The following SLC9A9 variants were observed in gnomAD, a reference collection of about 807,000 sequenced individuals.
SLC9A9 encodes solute carrier family 9 member A9.
A neutral mutation model predicts 77.8 loss-of-function variants in SLC9A9; 62 were observed. The observed-to-expected ratio is 0.80, with a 90% CI of 0.65 to 0.98. The LOEUF (loss-of-function observed/expected upper bound fraction) is 0.98, where lower values mean the gene tolerates loss of function less well. Ranked by LOEUF, SLC9A9 falls within the 50% of genes least tolerant of loss-of-function variation. SLC9A9 has a pLI of 0.00. For synonymous variants in SLC9A9, 320 were observed against 283.5 expected, an observed-to-expected ratio of 1.13 and a Z score of -1.29; for missense variants, 775 against 774.9, an observed-to-expected ratio of 1.00 and a Z score of 0.00.
intron 2 of SLC9A9, among the ~76,000 whole-genome samples, chr3:143,813,954 G>A (rs1317667345): frequency 6.6e-6 from 1 of 152,180 alleles, no homozygotes; most frequent in Non-Finnish European, 1.5e-5. Flanking sequence ...TGAGCTCAAG[G>A]TAATGATAGT....
Position 143,627,445 on chromosome 3 carries a change from G to A in SLC9A9, c.755+24810C>T. ...CCACCACCCAATTCTAGTTATGAAT[G>A]TCAGCTCCGTTTGTGTCTTGCCACA... On this transcript the variant is annotated intron_variant, in intron 6 of 15. Transcript: ENST00000316549. 1.8e-5 allele frequency: 4 copies of A among 223,312 alleles called. No individual in the cohort carries two copies. In the South Asian group the frequency reaches 3.0e-4, roughly 17 times the overall value. 13.8% of individuals were successfully genotyped at this position (223,312 alleles called of 1,614,324 possible).
At chr3:143,384,165 A>T (rs2033366954) in intron 12 of SLC9A9, among the ~76,000 whole-genome samples, 2 of 145,772 alleles carry the variant, frequency 1.4e-5, no homozygotes, top group African/African-American at 5.0e-5. Flanking sequence ...AAAGGATGTC[A>T]GTGAGGAGAA....
chr3:143,773,608 C>T (rs2007599331), intron 4 of SLC9A9, among the ~76,000 whole-genome samples: 1 of 151,898 alleles, frequency 6.6e-6, no homozygotes. Context: ...CCTCAGCCTC[C>T]CAAGTAGCTG....
intron 12 of SLC9A9, among the ~76,000 whole-genome samples, chr3:143,437,430 G>A (rs901054875): frequency 6.6e-6 from 1 of 152,244 alleles, no homozygotes; most frequent in Non-Finnish European, 1.5e-5. Flanking sequence ...GATGGCTAGA[G>A]GAAGTGGCGC....
intron 12 of SLC9A9, among the ~76,000 whole-genome samples, chr3:143,450,575 A>G (rs911321512): frequency 1.5e-5 from 2 of 137,668 alleles, no homozygotes; most frequent in African/African-American, 5.7e-5. Context: ...ACCCTCATAA[A>G]AATTAAACAC....
At chr3:143,724,583 T>G (rs1934588618) in intron 4 of SLC9A9, among the ~76,000 whole-genome samples, 1 of 152,228 alleles carries the variant, frequency 6.6e-6, no homozygotes, top group South Asian at 2.1e-4. Context: ...GACAGCCTCA[T>G]GTAGTTATTT....
At chr3:143,278,126 A>T (rs1559849237) in intron 14 of SLC9A9, among the ~76,000 whole-genome samples, 1 of 152,124 alleles carries the variant, frequency 6.6e-6, no homozygotes, top group Admixed American at 6.5e-5. Context: ...TCCCAGGGAG[A>T]TGCATAATCA....
chr3:143,300,524 T>A (rs2108427151), intron 14 of SLC9A9, among the ~76,000 whole-genome samples: 1 of 152,320 alleles, frequency 6.6e-6, no homozygotes, highest in African/African-American at 2.4e-5. Context: ...GTTGTTATAA[T>A]AAAATGCAGA....
At chr3:143,748,764 C>T (rs1029480139) in intron 4 of SLC9A9, among the ~76,000 whole-genome samples, 4 of 139,408 alleles carry the variant, frequency 2.9e-5, no homozygotes, top group Admixed American at 7.7e-5. Context: ...ACTGCAGTGG[C>T]GCAATCTCGG....
intron 4 of SLC9A9, among the ~76,000 whole-genome samples, chr3:143,751,512 A>G (rs1452309392): frequency 6.6e-6 from 1 of 152,136 alleles, no homozygotes; most frequent in Non-Finnish European, 1.5e-5. Context: ...CAGTTTAGAC[A>G]GCTCTGAAGG....
chr3:143,755,646 T>A (rs903554541), intron 4 of SLC9A9, among the ~76,000 whole-genome samples: 6 of 152,098 alleles, frequency 3.9e-5, no homozygotes, highest in African/African-American at 1.2e-4. Flanking sequence ...AAGATAGAAA[T>A]ATGGCAGGAT....
chr3:143,782,755 G>T (rs988632663), intron 4 of SLC9A9, among the ~76,000 whole-genome samples: 1 of 152,130 alleles, frequency 6.6e-6, no homozygotes, highest in African/African-American at 2.4e-5. Flanking sequence ...GATTCATTTG[G>T]CAATTAAAAG....
chr3:143,416,213 G>C (rs2034188336), intron 12 of SLC9A9, among the ~76,000 whole-genome samples: 1 of 152,160 alleles, frequency 6.6e-6, no homozygotes, highest in Non-Finnish European at 1.5e-5. Flanking sequence ...AAGATGCCAT[G>C]AACATGGTTG....
chr3:143,641,045 G>A (rs1439218352), intron 6 of SLC9A9, among the ~76,000 whole-genome samples: 1 of 152,102 alleles, frequency 6.6e-6, no homozygotes, highest in Non-Finnish European at 1.5e-5. Flanking sequence ...AACTGAACAG[G>A]TGGATTCCTA....
At chr3:143,705,982 G>C (rs1441838089) in intron 4 of SLC9A9, among the ~76,000 whole-genome samples, 1 of 152,204 alleles carries the variant, frequency 6.6e-6, no homozygotes, top group African/African-American at 2.4e-5. Context: ...CATATCCACA[G>C]AAAAACAGCT....
intron 4 of SLC9A9, among the ~76,000 whole-genome samples, chr3:143,768,548 C>T (rs74578340): frequency 0.018 from 2,790 of 152,142 alleles, 85 homozygotes; most frequent in African/African-American, 0.062. Context: ...ATAGGAGGAA[C>T]CTGTTTAAGA....
At chr3:143,734,233 C>A (rs1416304779) in intron 4 of SLC9A9, among the ~76,000 whole-genome samples, 1 of 151,590 alleles carries the variant, frequency 6.6e-6, no homozygotes, top group African/African-American at 2.4e-5. Context: ...AAAAAGAAAA[C>A]CTTGAATTGA....
At chr3:143,542,178 T>G (rs1381715063) in intron 9 of SLC9A9, among the ~76,000 whole-genome samples, 1 of 152,224 alleles carries the variant, frequency 6.6e-6, no homozygotes, top group Non-Finnish European at 1.5e-5. Flanking sequence ...CTACTAAATG[T>G]CCTTTATACA....
At chr3:143,741,196 T>A (rs1935064108) in intron 4 of SLC9A9, among the ~76,000 whole-genome samples, 2 of 152,186 alleles carry the variant, frequency 1.3e-5, no homozygotes, top group African/African-American at 4.8e-5. Flanking sequence ...GAAATAGCTG[T>A]TCCTAACACT....
Sources: gnomAD v4.1 joint callset for allele counts (sites outside exome capture counted in the v4.1 genomes callset) on GRCh38, gnomAD v4.1.1 for gene constraint, MANE v1.5 for transcripts, NCBI Gene and HGNC (gene_info 2026-07-23, HGNC 2026-07-21) for gene names.